SS18L1: variants seen among roughly 807,000 people sequenced by gnomAD.
SS18L1 encodes SS18L1 subunit of BAF chromatin remodeling complex.
A neutral mutation model predicts 70.3 loss-of-function variants in SS18L1; 32 were observed. The observed-to-expected ratio is 0.46, with a 90% CI of 0.34 to 0.61. The LOEUF (loss-of-function observed/expected upper bound fraction) is 0.61, where lower values mean the gene tolerates loss of function less well. Among genes scored for constraint, SS18L1 ranks in the 20% least tolerant of loss-of-function variants. The probability of loss-of-function intolerance (pLI) is 0.01; values close to 1 mark genes in which losing one functional copy is unlikely to be tolerated. For missense variants in SS18L1, 430 were observed against 542.1 expected (o/e 0.79, Z 2.05); for synonymous variants, 237 against 229.7 (o/e 1.03, Z -0.29).
At chr20:62,170,407 G>A (rs532321630) in intron 8 of SS18L1, among the ~76,000 whole-genome samples, 8 of 152,224 alleles carry the variant, frequency 5.3e-5, no homozygotes, top group Admixed American at 3.9e-4. Flanking sequence ...TCAGGAGGCC[G>A]AGGCAGGAGA....
rs2057260625 is a variant in SS18L1 at position 62,158,354 on chromosome 20, G to A, written c.70-318G>A. ...GGCTGAGGCAATGCACGTAACGACA[G>A]TTTCGTATACAGAACAGGCGTAGCA... is the stretch of plus-strand genomic sequence containing the variant. On this transcript the variant is annotated intron_variant, in intron 1 of 10. Transcript: ENST00000331758. The surrounding 1 kb of genome is among the most constrained non-coding windows in gnomAD (Gnocchi z 4.5). Among the ~76,000 whole-genome samples, 2 of 151,646 alleles carry A rather than the reference G, an allele frequency of 1.3e-5. No individual in the cohort carries two copies. Among genetic ancestry groups the A allele is most frequent in the Non-Finnish European group, 2.9e-5 (2 of 67,970 alleles).
chr20:62,144,743 C>T (rs545708620), intron 1 of SS18L1, among the ~76,000 whole-genome samples: 1 of 152,342 alleles, frequency 6.6e-6, no homozygotes, highest in African/African-American at 2.4e-5. Flanking sequence ...GTATTTTCTG[C>T]TGTTTTTTCT....
At chr20:62,155,842 C>T (rs918267183) in intron 1 of SS18L1, among the ~76,000 whole-genome samples, 17 of 152,102 alleles carry the variant, frequency 1.1e-4, no homozygotes, top group Non-Finnish European at 2.2e-4. Context: ...TCCAAACTCC[C>T]GCTGCTGCCA....
At chr20:62,164,975 G>A (rs2057400933) in intron 7 of SS18L1, among the ~76,000 whole-genome samples, 1 of 152,236 alleles carries the variant, frequency 6.6e-6, no homozygotes, top group African/African-American at 2.4e-5. Flanking sequence ...CAGGGAGCTG[G>A]CCTCAGCCAG....
rs1028387959 is a variant in SS18L1 at position 62,164,017 on chromosome 20, C to T, written c.722-128C>T. On this transcript the variant is annotated intron_variant, in intron 6 of 10. Coordinates refer to ENST00000331758, the MANE Select transcript of SS18L1 (RefSeq NM_198935.3). ...ACAAAACATAAGTTGGATACGATGA[C>T]AGCGTGGGGTGTTCTCCTCGGGTGG... The T allele has an allele frequency of 5.4e-6, 4 of 734,424 alleles. No homozygotes were observed. In the East Asian group the frequency reaches 1.1e-4, roughly 20 times the overall value. 45.5% of individuals were successfully genotyped at this position (734,424 alleles called of 1,614,324 possible). A position where few individuals can be genotyped will look rare whatever the true frequency, so the allele number is the denominator to read the frequency against.
At chr20:62,144,687 T>C (rs925023643) in intron 1 of SS18L1, among the ~76,000 whole-genome samples, 2 of 152,256 alleles carry the variant, frequency 1.3e-5, no homozygotes, top group African/African-American at 4.8e-5. Flanking sequence ...TTATGTGGGT[T>C]TGGGACACCG....
Position 62,159,753 on chromosome 20 carries a change from C to G in SS18L1, c.147-124C>G. The stretch of plus-strand genomic sequence containing the variant: ...TGTCCAGCTGGGTGTCATCTGGGGT[C>G]CATGTCCTCATGGGGTTTGGCTGGA... On this transcript the variant is annotated intron_variant, in intron 2 of 10. Coordinates refer to ENST00000331758, the MANE Select transcript of SS18L1 (RefSeq NM_198935.3). This position sits in a 1 kb window ranked among gnomAD's most constrained non-coding sequence, Gnocchi z 4.4. 1.1e-6 allele frequency: 1 copy of G among 904,532 alleles called. No homozygotes were observed. The highest frequency in any genetic ancestry group is 1.7e-6 in the Non-Finnish European group (1 of 597,306). The allele number at this position is 904,532 out of a possible 1,614,324, so 56.0% of individuals were successfully genotyped here.
chr20:62,143,981 C>G, intron 1 of SS18L1, 92 bp downstream of exon 1: 4 of 827,022 alleles, frequency 4.8e-6, no homozygotes, highest in Non-Finnish European at 4.4e-6. Flanking sequence ...GCGCGGGGCG[C>G]GAACAAAGCC....
intron 1 of SS18L1, among the ~76,000 whole-genome samples, chr20:62,147,724 G>A (rs1600984972): frequency 6.6e-6 from 1 of 152,234 alleles, no homozygotes; most frequent in Middle Eastern, 3.4e-3. Context: ...GCCGCCTGCT[G>A]GGTGGGTTTG....
intron 1 of SS18L1, among the ~76,000 whole-genome samples, chr20:62,156,153 G>A (rs919431057): frequency 1.3e-5 from 2 of 152,080 alleles, no homozygotes; most frequent in South Asian, 2.1e-4. Context: ...TGCGCCCCCC[G>A]GCCCATCCCG....
At chr20:62,169,808 G>A (rs945826976) in intron 8 of SS18L1, among the ~76,000 whole-genome samples, 20 of 151,660 alleles carry the variant, frequency 1.3e-4, no homozygotes, top group African/African-American at 4.9e-4. Context: ...ATCATTGGCT[G>A]TCACAGAAAC....
Position 62,181,769 on chromosome 20 carries a change from C to T in SS18L1, c.*2561C>T. Reference sequence around the variant, plus strand: ...CAGTTCCTTTTCATTATTCTATCTTCTGTCATATGAATGTTGAGCAAAGCT... The same window carrying T: ...CAGTTCCTTTTCATTATTCTATCTTTTGTCATATGAATGTTGAGCAAAGCT... On this transcript the variant is annotated 3_prime_UTR_variant, in exon 11 of 11. Transcript: ENST00000331758. 1 of 225,592 alleles carries T rather than the reference C, an allele frequency of 4.4e-6. No homozygotes were observed. Among genetic ancestry groups the T allele is most frequent in the Non-Finnish European group, 8.8e-6 (1 of 113,248 alleles). 14.0% of individuals were successfully genotyped at this position (225,592 alleles called of 1,614,324 possible).
chr20:62,144,337 C>T (rs1416244404), intron 1 of SS18L1, among the ~76,000 whole-genome samples: 1 of 152,164 alleles, frequency 6.6e-6, no homozygotes, highest in African/African-American at 2.4e-5. Context: ...GGGCGGTACT[C>T]GTTTTCTGCG....
At position 62,174,561 on chromosome 20, in the gene SS18L1, G is replaced by A; in HGVS notation, c.1081G>A (p.Gly361Ser). 6.2e-7 allele frequency: 1 copy of A among 1,614,046 alleles called. No individual in the cohort carries two copies. Among genetic ancestry groups the A allele is most frequent in the Middle Eastern group, 1.6e-4 (1 of 6,062 alleles). Residue 361 changes from glycine to serine, a missense_variant, in exon 10 of 11, where the codon GGC becomes AGC. By Grantham distance (56) the Gly-to-Ser change is moderately conservative. Transcript: ENST00000331758. The surrounding 1 kb of genome is among the most constrained non-coding windows in gnomAD (Gnocchi z 4.1). ...APSQYPGYQQ[G>S]QGQQYGSYRA... is the part of the protein sequence containing the mutation. ...GTCACAGTACCCCGGCTACCAGCAAGGCCAAGGCCAGCAGTACGGAAGCTA... is the reference window on the plus strand; with the variant it reads ...GTCACAGTACCCCGGCTACCAGCAAAGCCAAGGCCAGCAGTACGGAAGCTA...
At chr20:62,162,331 G>A (rs1000589146) in intron 4 of SS18L1, among the ~76,000 whole-genome samples, 9 of 151,614 alleles carry the variant, frequency 5.9e-5, no homozygotes, top group Admixed American at 2.6e-4. Context: ...ACAGAGTCTC[G>A]CTCTAGTCGG....
At chr20:62,145,008 A>G (rs1052889711) in intron 1 of SS18L1, among the ~76,000 whole-genome samples, 33 of 152,240 alleles carry the variant, frequency 2.2e-4, no homozygotes, top group African/African-American at 5.8e-4. Context: ...TCCTAAATCT[A>G]TCGCCTATTT....
chr20:62,164,655 A>C (rs6121929), intron 7 of SS18L1, among the ~76,000 whole-genome samples: 8,185 of 152,240 alleles, frequency 0.054, 703 homozygotes, highest in African/African-American at 0.18. Context: ...CTCCTCCTGC[A>C]CCTTCTCATC....
intron 10 of SS18L1, among the ~76,000 whole-genome samples, chr20:62,177,530 T>A (rs926360306): frequency 1.3e-5 from 2 of 152,216 alleles, no homozygotes; most frequent in African/African-American, 4.8e-5. Flanking sequence ...GCTGGGGGCA[T>A]TCGGGAAATC....
In SS18L1 at chr20:62,150,633, A is replaced by ATTTT. The variant is rs34708339; in HGVS notation, c.69+6778_69+6781dup. On this transcript the variant is annotated intron_variant, in intron 1 of 10. Transcript: ENST00000331758. ...CGGAGCATAAGAAACATTGAGGTGG[A>ATTTT]TTTTTTTTTTTTTTTTTTTTTTTTT... Among the ~76,000 whole-genome samples the ATTTT allele has an allele frequency of 9.1e-3, 526 of 58,038 alleles. 179 individuals are homozygous for ATTTT. The highest frequency in any genetic ancestry group is 0.015 in the Non-Finnish European group (414 of 28,238). 38.1% of individuals were successfully genotyped at this position (58,038 alleles called of 152,430 possible).
Sources: allele counts gnomAD v4.1 joint callset (sites outside exome capture counted in the v4.1 genomes callset), GRCh38; gene constraint gnomAD v4.1.1; non-coding constraint Gnocchi (gnomAD v3.1); transcripts MANE v1.5; gene names NCBI Gene and HGNC (gene_info 2026-07-23, HGNC 2026-07-21).